Variants in EPM2A observed in about 807,000 individuals in gnomAD.
The protein encoded by EPM2A is EPM2A glucan phosphatase, laforin.
In EPM2A, 21 loss-of-function variants were observed where a neutral mutation model predicts 26.5. That is an observed-to-expected ratio of 0.79 (90% confidence interval 0.56 to 1.14). The LOEUF is 1.14. Among genes scored for constraint, EPM2A ranks in the 50% most tolerant of loss-of-function variants. The probability of loss-of-function intolerance (pLI) is 0.00; values close to 1 mark genes in which losing one functional copy is unlikely to be tolerated. For missense variants in EPM2A, 458 were observed against 440.8 expected, an observed-to-expected ratio of 1.04 and a Z score of -0.35; for synonymous variants, 217 against 177.6, an observed-to-expected ratio of 1.22 and a Z score of -1.76.
At chr6:145,476,837 C>T (rs1779549251) in intron 4 of EPM2A, among the ~76,000 whole-genome samples, 1 of 151,654 alleles carries the variant, frequency 6.6e-6, no homozygotes, top group East Asian at 1.9e-4. Flanking sequence ...TAAGTGCCTA[C>T]ATCAAAAAGA....
chr6:145,393,128 C>T (rs1393047524), intron 4 of EPM2A, among the ~76,000 whole-genome samples: 2 of 152,034 alleles, frequency 1.3e-5, no homozygotes, highest in African/African-American at 4.8e-5. Flanking sequence ...CCAGTACTCC[C>T]GTTAAGCCAT....
At chr6:145,650,872 A>G (rs1016312423) in intron 2 of EPM2A, among the ~76,000 whole-genome samples, 11 of 152,192 alleles carry the variant, frequency 7.2e-5, no homozygotes, top group African/African-American at 2.7e-4. Context: ...ACTGTGCTAG[A>G]TAATTGTTTA....
At chr6:145,467,223 T>C (rs1403524706) in intron 4 of EPM2A, among the ~76,000 whole-genome samples, 3 of 152,144 alleles carry the variant, frequency 2.0e-5, no homozygotes, top group African/African-American at 7.2e-5. Flanking sequence ...CTGTACTTTA[T>C]GTATAATTGT....
intron 4 of EPM2A, among the ~76,000 whole-genome samples, chr6:145,397,826 A>T (rs1349362250): frequency 6.6e-6 from 1 of 152,184 alleles, no homozygotes; most frequent in African/African-American, 2.4e-5. Context: ...TGAGTCATGG[A>T]CATTAATGTC....
At chr6:145,679,010 T>C (rs1409135481) in intron 2 of EPM2A, among the ~76,000 whole-genome samples, 2 of 152,046 alleles carry the variant, frequency 1.3e-5, no homozygotes, top group Admixed American at 6.6e-5. Flanking sequence ...CAAATGTCCA[T>C]CAATGATAGA....
chr6:145,531,714 C>T (rs1035145774), intron 2 of EPM2A, among the ~76,000 whole-genome samples: 2 of 152,140 alleles, frequency 1.3e-5, no homozygotes, highest in Admixed American at 1.3e-4. Context: ...GGACCTACAG[C>T]CCTGGATGAT....
intron 2 of EPM2A, among the ~76,000 whole-genome samples, chr6:145,655,008 G>GC (rs1778163677): frequency 6.6e-6 from 1 of 151,982 alleles, no homozygotes; most frequent in Admixed American, 6.6e-5. Flanking sequence ...ATTGTGAGTG[G>GC]CTTTTTCACA....
chr6:145,662,552 TGGA>T (rs904936941), intron 2 of EPM2A, among the ~76,000 whole-genome samples: 5 of 152,150 alleles, frequency 3.3e-5, no homozygotes, highest in African/African-American at 1.2e-4. Flanking sequence ...GATTTTGTGG[TGGA>T]GGAGAGAGAC....
intron 4 of EPM2A, among the ~76,000 whole-genome samples, chr6:145,473,405 A>G (rs1267519126): frequency 6.6e-6 from 1 of 152,096 alleles, no homozygotes; most frequent in African/African-American, 2.4e-5. Flanking sequence ...GCATGCCTAC[A>G]TGATCTAGAA....
At chr6:145,505,842 A>T (rs1473365452) in intron 2 of EPM2A, among the ~76,000 whole-genome samples, 1 of 152,254 alleles carries the variant, frequency 6.6e-6, no homozygotes, top group African/African-American at 2.4e-5. Flanking sequence ...TAAGAAATAA[A>T]TGAATGAAAA....
chr6:145,475,472 A>T (rs1779530627), intron 4 of EPM2A, among the ~76,000 whole-genome samples: 1 of 151,970 alleles, frequency 6.6e-6, no homozygotes, highest in African/African-American at 2.4e-5. Flanking sequence ...GATGGGTGGG[A>T]GGCTAGGGGA....
At chr6:145,500,345 C>T (rs1456439176), downstream of EPM2A, among the ~76,000 whole-genome samples, 1 of 152,088 alleles carries the variant, frequency 6.6e-6, no homozygotes, top group African/African-American at 2.4e-5. Context: ...ATGTTGTAGT[C>T]CCAGTAGAGG....
At chr6:145,658,054 T>C (rs1177612596) in intron 2 of EPM2A, among the ~76,000 whole-genome samples, 1 of 152,206 alleles carries the variant, frequency 6.6e-6, no homozygotes, top group Admixed American at 6.5e-5. Flanking sequence ...GTGCACTCTA[T>C]ATTTACTATT....
At chr6:145,516,503 C>G (rs1358685250) in intron 2 of EPM2A, among the ~76,000 whole-genome samples, 3 of 152,070 alleles carry the variant, frequency 2.0e-5, no homozygotes, top group South Asian at 2.1e-4. Context: ...GATGGGAGAA[C>G]AGAGAGTATC....
At chr6:145,675,959 C>G (rs146878526) in intron 2 of EPM2A, among the ~76,000 whole-genome samples, 2,193 of 152,226 alleles carry the variant, frequency 0.014, 25 homozygotes, top group South Asian at 0.027. Flanking sequence ...AACTTTTCAC[C>G]CAAAATCAAC....
chr6:145,731,690 A>G (rs1776495178), intron 1 of EPM2A, among the ~76,000 whole-genome samples: 1 of 152,216 alleles, frequency 6.6e-6, no homozygotes, highest in Admixed American at 6.5e-5. Flanking sequence ...CCACCATGGC[A>G]CATGTATAAT....
chr6:145,500,328 C>A (rs573645577), downstream of EPM2A, among the ~76,000 whole-genome samples: 6 of 152,268 alleles, frequency 3.9e-5, no homozygotes, highest in African/African-American at 1.4e-4. Flanking sequence ...CTACAGCTTG[C>A]ATTTTGATGT....
chr6:145,548,020 A>G (rs1780608382), intron 2 of EPM2A, among the ~76,000 whole-genome samples: 1 of 152,032 alleles, frequency 6.6e-6, no homozygotes, highest in Admixed American at 6.6e-5. Flanking sequence ...CCAAATACTC[A>G]ATTGTGTCCC....
At chr6:145,451,549 T>C (rs1217904034) in intron 4 of EPM2A, among the ~76,000 whole-genome samples, 2 of 152,254 alleles carry the variant, frequency 1.3e-5, no homozygotes, top group Non-Finnish European at 2.9e-5. Flanking sequence ...ATTTTCTTTA[T>C]ATTCTTCAAT....
Sources: allele counts gnomAD v4.1 joint callset (sites outside exome capture counted in the v4.1 genomes callset), GRCh38; gene constraint gnomAD v4.1.1; transcripts MANE v1.5; gene names NCBI Gene and HGNC (gene_info 2026-07-23, HGNC 2026-07-21).